The following COL4A5 variants were observed in gnomAD, a reference collection of about 807,000 sequenced individuals.
COL4A5 encodes collagen alpha-5(IV) chain.
COL4A5 carries 26 observed loss-of-function variants against 130.2 expected under a neutral mutation model. The ratio of observed to expected loss-of-function variants is 0.20; its 90% CI spans 0.15 to 0.28. COL4A5 has a LOEUF of 0.28. Ranked by LOEUF, COL4A5 falls within the 10% of genes least tolerant of loss-of-function variation. The pLI, the probability that COL4A5 is intolerant of heterozygous loss-of-function variation, is 1.00. For synonymous variants in COL4A5, 496 were observed against 439.6 expected (o/e 1.13, Z -1.60); for missense variants, 1,131 against 1,344.3 (o/e 0.84, Z 2.48).
At chrX:108,563,101 G>A (rs1488490286) in intron 3 of COL4A5, among the ~76,000 whole-genome samples, 2 of 111,401 alleles carry the variant, frequency 1.8e-5, no homozygotes, top group Admixed American at 9.6e-5. Flanking sequence ...ACTTAGCATT[G>A]TATGTATAAA....
chrX:108,572,674 T>C (rs920058285), intron 8 of COL4A5, among the ~76,000 whole-genome samples: 12 of 111,547 alleles, frequency 1.1e-4, no homozygotes, highest in African/African-American at 3.9e-4. Flanking sequence ...TCTTACGTAG[T>C]CTCTAGTCTC....
intron 36 of COL4A5, among the ~76,000 whole-genome samples, chrX:108,643,894 G>A (rs1201064912): frequency 8.9e-6 from 1 of 111,980 alleles, no homozygotes; most frequent in Non-Finnish European, 1.9e-5. Context: ...ACATCTGAAT[G>A]CTAACATTGA....
Position 108,578,335 on chromosome X carries a change from C to A in COL4A5, c.732C>A (p.Ile244=). ...LQGPPGPPGQ[I]SEQKRPIDVE... ...GCCCACCTGGGCCACCTGGGCAGATCAGTGAACAGAAAAGACCAATTGATG... is the reference window on the plus strand; with the variant it reads ...GCCCACCTGGGCCACCTGGGCAGATAAGTGAACAGAAAAGACCAATTGATG... Residue 244 remains isoleucine, a synonymous_variant, in exon 13 of 53, where the codon ATC becomes ATA. Coordinates refer to ENST00000328300, the MANE Select transcript of COL4A5 (RefSeq NM_033380.3). The A allele has an allele frequency of 8.3e-7, 1 of 1,210,677 alleles. No homozygotes were observed. The highest frequency in any genetic ancestry group is 1.1e-6 in the Non-Finnish European group (1 of 894,696).
chrX:108,537,550 T>G (rs893141765), intron 1 of COL4A5, among the ~76,000 whole-genome samples: 5 of 111,524 alleles, frequency 4.5e-5, no homozygotes, highest in African/African-American at 1.6e-4. Context: ...TAAAGAAAGG[T>G]CACATAGAAA....
At chrX:108,451,738 G>T (rs1194343438) in intron 1 of COL4A5, among the ~76,000 whole-genome samples, 18 of 109,335 alleles carry the variant, frequency 1.6e-4, no homozygotes, top group African/African-American at 5.3e-4. Flanking sequence ...GTAGATTCTG[G>T]ATATTAGCCC....
intron 52 of COL4A5, chrX:108,695,804 A>G (rs756018387): frequency 3.9e-6 from 1 of 253,279 alleles, no homozygotes; most frequent in African/African-American, 2.8e-5. Context: ...CTTTCCCAGG[A>G]TATTTTAAAG....
At chrX:108,481,690 C>T (rs940509088) in intron 1 of COL4A5, among the ~76,000 whole-genome samples, 18 of 111,336 alleles carry the variant, frequency 1.6e-4, no homozygotes, top group African/African-American at 3.9e-4. Context: ...ACCACTTGGC[C>T]GCTGCCACCT....
At position 108,586,689 on chromosome X, in the gene COL4A5, A is replaced by C; in HGVS notation, c.1107A>C (p.Glu369Asp). Residue 369 changes from glutamate to aspartate, a missense_variant, in exon 19 of 53, where the codon GAA becomes GAC. Physicochemically the swap from Glu to Asp is conservative, Grantham distance 45 (BLOSUM62 2). Transcript: ENST00000328300. ...GNIGLPGLPG[E>D]KGERGFPGIQ... ...TTGGGTTGCCTGGGTTGCCTGGAGA[A>C]AAAGGAGAGCGAGGATTTCCTGGAA... 3 of 1,210,167 alleles carry C rather than the reference A, an allele frequency of 2.5e-6. No homozygotes were observed. Among genetic ancestry groups the C allele is most frequent in the Non-Finnish European group, 3.4e-6 (3 of 894,226 alleles).
intron 1 of COL4A5, among the ~76,000 whole-genome samples, chrX:108,447,106 G>A (rs1398621558): frequency 1.8e-5 from 2 of 110,558 alleles, no homozygotes; most frequent in African/African-American, 6.6e-5. Context: ...TCTGAAATGA[G>A]AGCCCCTTCT....
intron 10 of COL4A5, among the ~76,000 whole-genome samples, chrX:108,577,014 C>G (rs1170620722): frequency 1.8e-5 from 2 of 111,417 alleles, no homozygotes; most frequent in African/African-American, 6.5e-5. Flanking sequence ...AACCGATTCA[C>G]TTTACGTTTC....
intron 13 of COL4A5, among the ~76,000 whole-genome samples, chrX:108,578,811 C>T (rs748280899): frequency 6.4e-5 from 7 of 108,813 alleles, no homozygotes; most frequent in African/African-American, 2.3e-4. Flanking sequence ...TCCCAAGTAG[C>T]TGGGATTACA....
chrX:108,691,883 A>G (rs1001828940), intron 49 of COL4A5, among the ~76,000 whole-genome samples: 1 of 111,950 alleles, frequency 8.9e-6, no homozygotes, highest in Admixed American at 9.5e-5. Flanking sequence ...ACAAAACACC[A>G]TAAATGAAAA....
Position 108,563,871 on chromosome X carries a change from G to A in COL4A5, c.232-11G>A. The A allele has an allele frequency of 1.7e-6, 2 of 1,203,850 alleles. No homozygotes were observed. The highest frequency in any genetic ancestry group is 2.2e-6 in the Non-Finnish European group (2 of 889,926). On this transcript the variant is annotated splice_polypyrimidine_tract_variant and intron_variant, in intron 3 of 52. Coordinates refer to ENST00000328300, the MANE Select transcript of COL4A5 (RefSeq NM_033380.3). ...TGACGGACAAAAACCTAAAAATATT[G>A]CATTTTTCAGGGTGATGATGGAATT...
At chrX:108,691,495 T>C (rs1172272283) in intron 49 of COL4A5, among the ~76,000 whole-genome samples, 2 of 110,972 alleles carry the variant, frequency 1.8e-5, no homozygotes, top group South Asian at 3.7e-4. Flanking sequence ...AATAATTATA[T>C]AAAAATTTAT....
At chrX:108,532,600 T>A (rs1244601667) in intron 1 of COL4A5, among the ~76,000 whole-genome samples, 1 of 110,490 alleles carries the variant, frequency 9.1e-6, no homozygotes, top group East Asian at 2.8e-4. Context: ...AAGTGAAAAA[T>A]AAAAAAGGCA....
intron 1 of COL4A5, among the ~76,000 whole-genome samples, chrX:108,507,531 G>A (rs953828760): frequency 8.9e-6 from 1 of 111,839 alleles, no homozygotes; most frequent in Non-Finnish European, 1.9e-5. Context: ...CATTCCGGCC[G>A]GGCATGGTGG....
intron 1 of COL4A5, among the ~76,000 whole-genome samples, chrX:108,443,965 A>C (rs2147457298): frequency 8.9e-6 from 1 of 112,274 alleles, no homozygotes; most frequent in South Asian, 3.7e-4. Context: ...ATTATACTGT[A>C]ATAAAAAACT....
At chrX:108,594,370 G>T (rs1222193642) in intron 21 of COL4A5, among the ~76,000 whole-genome samples, 1 of 111,599 alleles carries the variant, frequency 9.0e-6, no homozygotes, top group Non-Finnish European at 1.9e-5. Context: ...TGCAACAGTA[G>T]CCACTTAAGT....
intron 2 of COL4A5, among the ~76,000 whole-genome samples, chrX:108,540,445 C>CT (rs1383933513): frequency 9.1e-5 from 10 of 109,760 alleles, no homozygotes; most frequent in African/African-American, 2.0e-4. Flanking sequence ...AGATGAAAGT[C>CT]TTTTTTTTTG....
Sources: allele counts gnomAD v4.1 joint callset (sites outside exome capture counted in the v4.1 genomes callset), GRCh38; gene constraint gnomAD v4.1.1; transcripts MANE v1.5; gene names NCBI Gene and HGNC (gene_info 2026-07-23, HGNC 2026-07-21).